The following MAP2K2 variants were observed in gnomAD, a reference collection of about 807,000 sequenced individuals.
MAP2K2 encodes the protein mitogen-activated protein kinase kinase 2, also known as dual specificity mitogen-activated protein kinase kinase 2.
In MAP2K2, 24 loss-of-function variants were observed where a neutral mutation model predicts 43.7. That is an observed-to-expected ratio of 0.55 (90% confidence interval 0.40 to 0.77). The LOEUF (loss-of-function observed/expected upper bound fraction) is 0.77. MAP2K2 is among the 30% of genes least tolerant of loss of function. The pLI is 0.00. For synonymous variants in MAP2K2, 244 were observed against 239.7 expected (o/e 1.02, Z -0.17); for missense variants, 470 against 566.8 (o/e 0.83, Z 1.73).
intron 2 of MAP2K2, among the ~76,000 whole-genome samples, chr19:4,112,838 A>G (rs944071155): frequency 6.6e-6 from 1 of 152,168 alleles, no homozygotes; most frequent in African/African-American, 2.4e-5. Context: ...GCTGTAACTG[A>G]GAGGTGCTGG....
chr19:4,123,183 A>G (rs1005085105), intron 1 of MAP2K2, among the ~76,000 whole-genome samples: 2 of 150,146 alleles, frequency 1.3e-5, no homozygotes, highest in Non-Finnish European at 3.0e-5. Context: ...TCTTAGAGAT[A>G]CCCCTCACCC....
rs770521279 is a variant in MAP2K2 at position 4,099,213 on chromosome 19, G to T, written c.907C>A (p.Arg303Ser). 1 of 1,602,718 alleles carries T rather than the reference G, an allele frequency of 6.2e-7. No homozygotes were observed. Among genetic ancestry groups the T allele is most frequent in the Middle Eastern group, 1.7e-4 (1 of 5,922 alleles). ...SISPRPRPPG[R>S]PVSGHGMDSR... ...ATTCAGGCCGTACCGCTGACGGGGC[G>T]CCCGGGGGGCCTCGGCCGAGGCGAG... Residue 303 changes from arginine to serine, a missense_variant, in exon 7 of 11, where the codon CGC becomes AGC. Around this residue, in one of 3 missense-constraint regions of MAP2K2, gnomAD observed 212 missense variants for 220.8 expected, o/e 0.96. Transcript: ENST00000262948.
chr19:4,105,886 A>G (rs2041080047), intron 3 of MAP2K2, among the ~76,000 whole-genome samples: 1 of 151,808 alleles, frequency 6.6e-6, no homozygotes, highest in Non-Finnish European at 1.5e-5. Context: ...CTGCTCTCGA[A>G]GTCCTGGCTG....
intron 1 of MAP2K2, among the ~76,000 whole-genome samples, chr19:4,118,446 G>A (rs915492763): frequency 4.6e-5 from 7 of 152,190 alleles, no homozygotes; most frequent in African/African-American, 1.7e-4. Flanking sequence ...AGGCACGGTG[G>A]TGCACGTTTG....
At chr19:4,100,869 G>GAGCTGCGCAGGAGAACTGGGAGGGAC in intron 6 of MAP2K2, 150 bp downstream of exon 6, 8 of 894,234 alleles carry the variant, frequency 8.9e-6, no homozygotes, top group Non-Finnish European at 1.2e-5. Flanking sequence ...GAGGCGGGGA[G>GAGCTGCGCAGGAGAACTGGGAGGGAC]AGCTGCGCAG....
intron 3 of MAP2K2, among the ~76,000 whole-genome samples, chr19:4,108,224 G>A (rs572268643): frequency 2.0e-5 from 3 of 152,160 alleles, no homozygotes; most frequent in Admixed American, 6.5e-5. Context: ...AAAAATCAAC[G>A]TGCTCCACGT....
At chr19:4,090,765 G>C in intron 10 of MAP2K2, 57 bp from the exon 11 acceptor site, 1 of 1,205,900 alleles carries the variant, frequency 8.3e-7, no homozygotes. Flanking sequence ...AGGACGGGGA[G>C]GGCCAGCGTC....
At chr19:4,123,572 C>T (rs1474010251) in intron 1 of MAP2K2, among the ~76,000 whole-genome samples, 16 of 83,194 alleles carry the variant, frequency 1.9e-4, no homozygotes, top group Admixed American at 6.0e-4. Context: ...CCCGTCCTCC[C>T]CCGAGGGCCC....
At chr19:4,112,608 G>A (rs1384137804) in intron 2 of MAP2K2, among the ~76,000 whole-genome samples, 1 of 150,922 alleles carries the variant, frequency 6.6e-6, no homozygotes, top group Non-Finnish European at 1.5e-5. Context: ...CCGCCCGGCC[G>A]CTCCTCAGGC....
intron 2 of MAP2K2, among the ~76,000 whole-genome samples, chr19:4,113,162 G>A (rs1395148443): frequency 2.0e-5 from 3 of 152,140 alleles, no homozygotes; most frequent in African/African-American, 4.8e-5. Context: ...AGGAAGTGGC[G>A]GATGGGCTAC....
intron 2 of MAP2K2, among the ~76,000 whole-genome samples, chr19:4,112,451 G>A (rs975167122): frequency 9.9e-5 from 15 of 152,236 alleles, no homozygotes; most frequent in African/African-American, 3.1e-4. Context: ...CAGCGGGCAC[G>A]GAGGCATGAA....
chr19:4,094,461 T>A lies in MAP2K2; in HGVS notation c.1084A>T (p.Met362Leu), dbSNP rs746359861. 1 of 1,565,560 alleles carries A rather than the reference T, an allele frequency of 6.4e-7. No individual in the cohort carries two copies. The highest frequency in any genetic ancestry group is 8.7e-7 in the Non-Finnish European group (1 of 1,154,352). ...CCGCTGGCATCACTCACTGTGAGCATCTTCAGGTCCGCCCGCTCCGCTGGG... is the reference window on the plus strand; with the variant it reads ...CCGCTGGCATCACTCACTGTGAGCAACTTCAGGTCCGCCCGCTCCGCTGGG... ...KNPAERADLK[M>L]LTNHTFIKRS... The change falls in exon 10 of 11, where the codon ATG (methionine) becomes TTG (leucine). Residue 362 changes from methionine to leucine, a missense_variant. Physicochemically the swap from Met to Leu is conservative, Grantham distance 15. Coordinates refer to ENST00000262948, the MANE Select transcript of MAP2K2 (RefSeq NM_030662.4).
chr19:4,100,420 A>C, intron 6 of MAP2K2: 1 of 111,048 alleles, frequency 9.0e-6, no homozygotes, highest in African/African-American at 4.1e-5. Flanking sequence ...ACAGAGCAAG[A>C]CTCTGTCTCA....
chr19:4,098,815 C>T (rs781392153), intron 7 of MAP2K2, among the ~76,000 whole-genome samples: 14 of 152,262 alleles, frequency 9.2e-5, no homozygotes, highest in Non-Finnish European at 1.5e-4. Context: ...GCTTGGCCCG[C>T]AGCACAGGAG....
At chr19:4,094,713 C>A in intron 9 of MAP2K2, 1 of 582,664 alleles carries the variant, frequency 1.7e-6, no homozygotes, top group Non-Finnish European at 3.1e-6. Context: ...CAGGACACCC[C>A]CCAGCGGGAG....
chr19:4,095,208 C>A (rs555724631), intron 9 of MAP2K2, 180 bp downstream of exon 9: 1 of 599,502 alleles, frequency 1.7e-6, no homozygotes, highest in Non-Finnish European at 3.0e-6. Flanking sequence ...GCATGGCAGC[C>A]GGGAGCTGCA....
Position 4,096,445 on chromosome 19 carries a change from C to T in MAP2K2, c.984+834G>A, listed in dbSNP as rs141136171. ...CCAGGGAGGTGGCCCGGCCTGGTCACGTGGCCAACAGGACCTTGGGGTGCA... is the reference window on the plus strand; with the variant it reads ...CCAGGGAGGTGGCCCGGCCTGGTCATGTGGCCAACAGGACCTTGGGGTGCA... On this transcript the variant is annotated intron_variant, in intron 8 of 10. Transcript: ENST00000262948. Among the ~76,000 whole-genome samples the T allele has an allele frequency of 1.5e-4, 23 of 152,338 alleles. No individual in the cohort carries two copies. In the East Asian group the frequency reaches 3.9e-3, roughly 26 times the overall value.
chr19:4,111,425 G>A (rs1007800669), intron 2 of MAP2K2, among the ~76,000 whole-genome samples: 1 of 152,136 alleles, frequency 6.6e-6, no homozygotes, highest in Admixed American at 6.5e-5. Context: ...TCCCAGGAGG[G>A]AGGCAGGGCA....
intron 8 of MAP2K2, 62 bp downstream of exon 8, chr19:4,097,205 TAAAAAAAAAAAA>T (rs10681431): frequency 2.1e-6 from 1 of 480,454 alleles, no homozygotes; most frequent in East Asian, 4.9e-5. Flanking sequence ...AGACTCTGCC[TAAAAAAAAAAAA>T]AAAAAAAAAA....
Sources: allele counts gnomAD v4.1 joint callset (sites outside exome capture counted in the v4.1 genomes callset), GRCh38; gene constraint gnomAD v4.1.1; regional missense constraint gnomAD v4.1.1; transcripts MANE v1.5; gene names NCBI Gene and HGNC (gene_info 2026-07-23, HGNC 2026-07-21).